Variants in GRB2 observed in about 807,000 individuals in gnomAD.
The protein encoded by GRB2 is growth factor receptor-bound protein 2.
GRB2 carries 2 observed loss-of-function variants against 27.4 expected under a neutral mutation model. That is an observed-to-expected ratio of 0.07 (90% CI 0.03 to 0.23). The LOEUF is 0.23. Among genes scored for constraint, GRB2 ranks in the 10% least tolerant of loss-of-function variants. The probability of loss-of-function intolerance (pLI) is 1.00; values close to 1 mark genes in which losing one functional copy is unlikely to be tolerated. For synonymous variants in GRB2, 94 were observed against 99.6 expected, an observed-to-expected ratio of 0.94 and a Z score of 0.33; for missense variants, 102 against 282.4, an observed-to-expected ratio of 0.36 and a Z score of 4.58.
chr17:75,401,056 G>A (rs77042135), intron 1 of GRB2, among the ~76,000 whole-genome samples: 8,141 of 150,888 alleles, frequency 0.054, 265 homozygotes, highest in Middle Eastern at 0.13. Context: ...TCCACCTCCC[G>A]GGTTCAAGCC....
chr17:75,397,619 A>C (rs1476503420), intron 1 of GRB2, among the ~76,000 whole-genome samples: 1 of 152,148 alleles, frequency 6.6e-6, no homozygotes, highest in African/African-American at 2.4e-5. Flanking sequence ...CTTAGTGTTG[A>C]ATCTTCATGG....
chr17:75,379,261 A>G (rs890651703), intron 2 of GRB2, among the ~76,000 whole-genome samples: 11 of 152,254 alleles, frequency 7.2e-5, no homozygotes, highest in African/African-American at 2.6e-4. Flanking sequence ...TGAGACATTT[A>G]TTTATTTGCT....
At chr17:75,377,763 C>T (rs372098665) in intron 2 of GRB2, among the ~76,000 whole-genome samples, 3 of 150,898 alleles carry the variant, frequency 2.0e-5, no homozygotes, top group South Asian at 4.2e-4. Context: ...AAAAATTAGC[C>T]GGGTATGGTG....
intron 2 of GRB2, among the ~76,000 whole-genome samples, chr17:75,370,076 G>A (rs913888210): frequency 1.3e-5 from 2 of 152,174 alleles, no homozygotes; most frequent in African/African-American, 4.8e-5. Flanking sequence ...ACTGACTCTC[G>A]AGGTAATGGC....
intron 2 of GRB2, among the ~76,000 whole-genome samples, chr17:75,350,136 T>TAA (rs982222191): frequency 2.6e-4 from 40 of 151,132 alleles, no homozygotes; most frequent in Admixed American, 1.7e-3. Context: ...AAAGATCCCT[T>TAA]AAGCCCAGCA....
At chr17:75,328,940 A>AAAAT (rs3047534) in intron 3 of GRB2, among the ~76,000 whole-genome samples, 77,978 of 146,902 alleles carry the variant, frequency 0.53, 23,698 homozygotes, top group East Asian at 0.7. Flanking sequence ...TCGCTTTCAA[A>AAAAT]AAATAAATAA....
chr17:75,364,365 T>C (rs1294855642), intron 2 of GRB2, among the ~76,000 whole-genome samples: 1 of 152,212 alleles, frequency 6.6e-6, no homozygotes, highest in Non-Finnish European at 1.5e-5. Context: ...AAAGATTTAT[T>C]ATGTACCAGA....
chr17:75,367,434 C>T (rs1243945653), intron 2 of GRB2, among the ~76,000 whole-genome samples: 1 of 152,152 alleles, frequency 6.6e-6, no homozygotes, highest in Non-Finnish European at 1.5e-5. Context: ...ATCTCAGCCT[C>T]CCAAAGTGGT....
chr17:75,399,054 CT>C (rs943342038), intron 1 of GRB2, among the ~76,000 whole-genome samples: 2 of 151,320 alleles, frequency 1.3e-5, no homozygotes, highest in African/African-American at 4.8e-5. Flanking sequence ...AGCCTATTTA[CT>C]TTTATTATTT....
At chr17:75,354,602 C>T (rs777073078) in intron 2 of GRB2, among the ~76,000 whole-genome samples, 2 of 152,134 alleles carry the variant, frequency 1.3e-5, no homozygotes, top group Non-Finnish European at 2.9e-5. Context: ...CTCGACCCCC[C>T]ACTTCCATGG....
chr17:75,390,529 C>T (rs1480544330), intron 2 of GRB2, among the ~76,000 whole-genome samples: 1 of 152,104 alleles, frequency 6.6e-6, no homozygotes, highest in Non-Finnish European at 1.5e-5. Context: ...TCCCAGTGTC[C>T]TCTCCCTCCC....
Position 75,332,813 on chromosome 17 carries a change from A to T in GRB2, c.79-16T>A. On this transcript the variant is annotated splice_polypyrimidine_tract_variant and intron_variant, in intron 2 of 5. Transcript: ENST00000316804. ...CGTTCAAAACCTGAAAAGAAATAAG[A>T]CAACAAAAAAACCCAATCATTTCCT... The T allele has an allele frequency of 6.6e-7, 1 of 1,504,316 alleles. No individual in the cohort carries two copies. The highest frequency in any genetic ancestry group is 9.2e-7 in the Non-Finnish European group (1 of 1,087,442). 93.2% of individuals were successfully genotyped at this position (1,504,316 alleles called of 1,614,324 possible).
intron 2 of GRB2, among the ~76,000 whole-genome samples, chr17:75,353,884 C>CA (rs2078710593): frequency 1.3e-5 from 2 of 149,122 alleles, no homozygotes; most frequent in South Asian, 4.3e-4. Context: ...ACTAAAAATA[C>CA]AAAAAATTAG....
At chr17:75,359,595 C>A (rs1404605992) in intron 2 of GRB2, among the ~76,000 whole-genome samples, 1 of 151,964 alleles carries the variant, frequency 6.6e-6, no homozygotes, top group Non-Finnish European at 1.5e-5. Context: ...TGGCCCAGAC[C>A]TTGCCTAACT....
intron 1 of GRB2, among the ~76,000 whole-genome samples, chr17:75,402,778 G>T (rs1218288014): frequency 6.6e-6 from 1 of 152,094 alleles, no homozygotes; most frequent in Non-Finnish European, 1.5e-5. Flanking sequence ...TGCATGAAAT[G>T]AAAATAATGC....
intron 2 of GRB2, among the ~76,000 whole-genome samples, chr17:75,375,018 C>A (rs143010580): frequency 8.8e-4 from 134 of 152,210 alleles, no homozygotes; most frequent in Middle Eastern, 3.4e-3. Flanking sequence ...GCCTGAGCCT[C>A]CTGAGTAGCT....
chr17:75,346,386 C>CT, intron 2 of GRB2, among the ~76,000 whole-genome samples: 1 of 151,902 alleles, frequency 6.6e-6, no homozygotes, highest in Non-Finnish European at 1.5e-5. Flanking sequence ...GTCCCAGCTA[C>CT]TCGGGGGGCT....
intron 2 of GRB2, among the ~76,000 whole-genome samples, chr17:75,356,818 C>G (rs2078736969): frequency 6.6e-6 from 1 of 152,180 alleles, no homozygotes; most frequent in South Asian, 2.1e-4. Flanking sequence ...TTCCAAGACA[C>G]ATCATTTCCC....
At chr17:75,373,438 A>T (rs1029756778) in intron 2 of GRB2, 1 of 152,188 alleles carries the variant, frequency 6.6e-6, no homozygotes, top group Non-Finnish European at 1.5e-5. Context: ...AAACACATTG[A>T]AAGACAATTT....
Sources: gnomAD v4.1 joint callset for allele counts (sites outside exome capture counted in the v4.1 genomes callset) on GRCh38, gnomAD v4.1.1 for gene constraint, MANE v1.5 for transcripts, NCBI Gene and HGNC (gene_info 2026-07-23, HGNC 2026-07-21) for gene names.